The following ENTREP2 variants were observed in gnomAD, a reference collection of about 807,000 sequenced individuals.
ENTREP2 encodes endosomal transmembrane epsin interactor 2, also known as protein ENTREP2.
At chr15:29,575,883 G>A in the ENTREP2 span, among the ~76,000 whole-genome samples, 2 of 152,122 alleles carry the variant, frequency 1.3e-5, no homozygotes, top group Non-Finnish European at 2.9e-5. Context: ...TTCATGCATA[G>A]AAAGACAATA....
chr15:29,602,665 G>A, the ENTREP2 span, among the ~76,000 whole-genome samples: 1 of 152,082 alleles, frequency 6.6e-6, no homozygotes, highest in Non-Finnish European at 1.5e-5. Context: ...AGCCTCCTGA[G>A]TAGCTGGGAT....
At chr15:29,168,939 TGG>T in the ENTREP2 span, among the ~76,000 whole-genome samples, 1 of 152,248 alleles carries the variant, frequency 6.6e-6, no homozygotes, top group African/African-American at 2.4e-5. Context: ...CTTTAGTGGA[TGG>T]CTGTAAATTG....
the ENTREP2 span, among the ~76,000 whole-genome samples, chr15:29,249,858 A>G: frequency 6.6e-3 from 1,008 of 152,216 alleles, 11 homozygotes; most frequent in African/African-American, 0.023. Flanking sequence ...ATCATGGTGG[A>G]AAGTGAAGGG....
At chr15:29,468,956 A>G in the ENTREP2 span, among the ~76,000 whole-genome samples, 1 of 152,188 alleles carries the variant, frequency 6.6e-6, no homozygotes, top group African/African-American at 2.4e-5. Context: ...CAAAACCTGC[A>G]CAAAGGCCAC....
the ENTREP2 span, among the ~76,000 whole-genome samples, chr15:29,210,835 A>G: frequency 0.023 from 3,559 of 152,294 alleles, 154 homozygotes; most frequent in African/African-American, 0.081. Flanking sequence ...ACCGTAATGG[A>G]CTACAACAAA....
chr15:29,368,452 A>G, the ENTREP2 span, among the ~76,000 whole-genome samples: 1 of 152,102 alleles, frequency 6.6e-6, no homozygotes, highest in Non-Finnish European at 1.5e-5. Context: ...CTTAGAAGAC[A>G]AAGACTTTAA....
At chr15:29,223,544 T>C in the ENTREP2 span, among the ~76,000 whole-genome samples, 139 of 152,328 alleles carry the variant, frequency 9.1e-4, 1 homozygote, top group Non-Finnish European at 1.3e-3. Context: ...TACGTGTAAC[T>C]GGATATCAGT....
At chr15:29,346,935 T>C in the ENTREP2 span, among the ~76,000 whole-genome samples, 30 of 152,304 alleles carry the variant, frequency 2.0e-4, no homozygotes, top group Non-Finnish European at 2.5e-4. Context: ...TGGGCATAAA[T>C]TGGAATTTTA....
chr15:29,195,062 A>G, the ENTREP2 span: 1 of 950,360 alleles, frequency 1.1e-6, no homozygotes, highest in African/African-American at 1.8e-5. Context: ...AGGCTCCAGG[A>G]TGCAGTGAGG....
chr15:29,651,684 A>C, the ENTREP2 span, among the ~76,000 whole-genome samples: 1 of 152,214 alleles, frequency 6.6e-6, no homozygotes, highest in Non-Finnish European at 1.5e-5. Flanking sequence ...GGCCAAGCCC[A>C]GGCACTGTCA....
the ENTREP2 span, among the ~76,000 whole-genome samples, chr15:29,528,582 T>C: frequency 1.3e-5 from 2 of 152,100 alleles, no homozygotes; most frequent in East Asian, 1.9e-4. Flanking sequence ...AATAAAGATG[T>C]AAAAACAGAG....
the ENTREP2 span, among the ~76,000 whole-genome samples, chr15:29,168,175 G>A: frequency 6.6e-6 from 1 of 152,300 alleles, no homozygotes; most frequent in African/African-American, 2.4e-5. Flanking sequence ...ATACAATGGG[G>A]AGAATAGTGG....
the ENTREP2 span, among the ~76,000 whole-genome samples, chr15:29,256,837 A>G: frequency 2.6e-5 from 4 of 152,066 alleles, no homozygotes; most frequent in African/African-American, 9.7e-5. Flanking sequence ...ATAGGCAAGC[A>G]TTTATTTTTT....
chr15:29,145,622 C>CAAA, the ENTREP2 span, among the ~76,000 whole-genome samples: 1,038 of 56,572 alleles, frequency 0.018, 67 homozygotes, highest in African/African-American at 0.037. Flanking sequence ...GACTCCATCT[C>CAAA]AAAAAAAAAA....
chr15:29,541,113 G>A, the ENTREP2 span, among the ~76,000 whole-genome samples: 1 of 152,214 alleles, frequency 6.6e-6, no homozygotes, highest in South Asian at 2.1e-4. Context: ...CACCGGGTCT[G>A]CACTGACCAG....
chr15:29,644,407 C>G, the ENTREP2 span, among the ~76,000 whole-genome samples: 1 of 152,112 alleles, frequency 6.6e-6, no homozygotes, highest in East Asian at 1.9e-4. Context: ...GGGCAGATTG[C>G]CAGTATATAA....
the ENTREP2 span, among the ~76,000 whole-genome samples, chr15:29,562,101 A>C: frequency 3.9e-5 from 6 of 152,262 alleles, no homozygotes; most frequent in African/African-American, 1.4e-4. Flanking sequence ...ATCCAGGTTC[A>C]GGGTCATCCT....
At chr15:29,202,751 CTGTGTTAGT>C in the ENTREP2 span, among the ~76,000 whole-genome samples, 1 of 152,080 alleles carries the variant, frequency 6.6e-6, no homozygotes, top group East Asian at 1.9e-4. Flanking sequence ...TTTTCTGTTC[CTGTGTTAGT>C]TTTCTGAGAA....
the ENTREP2 span, among the ~76,000 whole-genome samples, chr15:29,327,599 A>G: frequency 6.6e-6 from 1 of 151,944 alleles, no homozygotes. Context: ...CATCTCAAAA[A>G]AAAAAAAAAA....
Sources: allele counts gnomAD v4.1 joint callset (sites outside exome capture counted in the v4.1 genomes callset), GRCh38; gene constraint gnomAD v4.1.1; transcripts MANE v1.5; gene names NCBI Gene and HGNC (gene_info 2026-07-23, HGNC 2026-07-21).